DCC: variants seen among roughly 807,000 people sequenced by gnomAD.
DCC encodes the protein DCC netrin 1 receptor.
A neutral mutation model predicts 172.5 loss-of-function variants in DCC; 58 were observed. The observed-to-expected ratio is 0.34, with a 90% CI of 0.27 to 0.42. DCC has a LOEUF of 0.42. DCC is among the 10% of genes least tolerant of loss of function. DCC has a pLI of 1.00. For synonymous variants in DCC, 709 were observed against 644.5 expected (o/e 1.10, Z -1.52); for missense variants, 1,740 against 1,791.0 (o/e 0.97, Z 0.51).
chr18:52,811,475 A>G (rs889366858), intron 2 of DCC, among the ~76,000 whole-genome samples: 1 of 152,240 alleles, frequency 6.6e-6, no homozygotes, highest in South Asian at 2.1e-4. Flanking sequence ...TAACTTATAT[A>G]AATTAATGTT....
chr18:53,199,934 G>C (rs1184891609), intron 9 of DCC, among the ~76,000 whole-genome samples: 4 of 152,136 alleles, frequency 2.6e-5, no homozygotes, highest in Non-Finnish European at 5.9e-5. Flanking sequence ...CAACGAAAGA[G>C]TTGAAGTAGA....
At chr18:52,379,921 A>G (rs1216116572) in intron 1 of DCC, among the ~76,000 whole-genome samples, 2 of 152,150 alleles carry the variant, frequency 1.3e-5, no homozygotes, top group Non-Finnish European at 2.9e-5. Flanking sequence ...TGGGTAATTT[A>G]TAAGAATAGA....
At chr18:52,465,237 G>A (rs1988751781) in intron 1 of DCC, among the ~76,000 whole-genome samples, 1 of 152,156 alleles carries the variant, frequency 6.6e-6, no homozygotes, top group African/African-American at 2.4e-5. Context: ...TAAATATTTA[G>A]AATTAACCTG....
intron 25 of DCC, among the ~76,000 whole-genome samples, chr18:53,483,431 T>G (rs1322904692): frequency 6.6e-6 from 1 of 151,924 alleles, no homozygotes; most frequent in East Asian, 1.9e-4. Flanking sequence ...ATTTTTCTGA[T>G]GTAACATGCT....
chr18:53,210,827 G>A (rs941270070), intron 11 of DCC, among the ~76,000 whole-genome samples: 14 of 151,780 alleles, frequency 9.2e-5, no homozygotes, highest in Non-Finnish European at 1.9e-4. Context: ...CTACTGGGAT[G>A]CTTGTAAAGA....
intron 24 of DCC, among the ~76,000 whole-genome samples, chr18:53,459,845 A>G (rs2045529479): frequency 6.6e-6 from 1 of 152,154 alleles, no homozygotes; most frequent in Non-Finnish European, 1.5e-5. Context: ...ATTTCGATAG[A>G]TAATTGAAAG....
intron 7 of DCC, among the ~76,000 whole-genome samples, chr18:53,092,977 T>TA (rs35751804): frequency 0.67 from 101,027 of 151,720 alleles, 34,823 homozygotes; most frequent in African/African-American, 0.82. Flanking sequence ...CATTACTATT[T>TA]AAAAAAAAGT....
intron 2 of DCC, among the ~76,000 whole-genome samples, chr18:52,783,717 A>G (rs1445540177): frequency 6.6e-6 from 1 of 151,938 alleles, no homozygotes; most frequent in East Asian, 1.9e-4. Context: ...TATATATAGT[A>G]TATATGTGTG....
chr18:53,422,483 T>C (rs569527598), intron 21 of DCC, among the ~76,000 whole-genome samples: 13 of 152,306 alleles, frequency 8.5e-5, no homozygotes, highest in Non-Finnish European at 1.9e-4. Flanking sequence ...GTGTAATTTC[T>C]GGAAATGCAG....
intron 2 of DCC, among the ~76,000 whole-genome samples, chr18:52,774,350 G>A (rs974877617): frequency 1.3e-5 from 2 of 152,110 alleles, no homozygotes; most frequent in East Asian, 3.9e-4. Flanking sequence ...TGTTGAAGAC[G>A]CTTCAGTACC....
At chr18:52,910,874 G>C (rs1405395259) in intron 3 of DCC, among the ~76,000 whole-genome samples, 2 of 151,840 alleles carry the variant, frequency 1.3e-5, no homozygotes, top group Non-Finnish European at 2.9e-5. Context: ...AAATAAATTG[G>C]ACTAAAATAT....
intron 12 of DCC, among the ~76,000 whole-genome samples, chr18:53,268,794 C>T (rs2144700925): frequency 6.6e-6 from 1 of 152,288 alleles, no homozygotes; most frequent in East Asian, 1.9e-4. Flanking sequence ...GGGCCAAAGA[C>T]ACTGCCACTG....
chr18:53,333,615 A>T (rs1329277606), intron 14 of DCC, among the ~76,000 whole-genome samples: 2 of 152,180 alleles, frequency 1.3e-5, no homozygotes, highest in Non-Finnish European at 2.9e-5. Context: ...GCAAAATGAC[A>T]GGTGAAGAAG....
intron 2 of DCC, among the ~76,000 whole-genome samples, chr18:52,810,824 T>G (rs553433913): frequency 5.9e-4 from 90 of 152,280 alleles, no homozygotes; most frequent in African/African-American, 2.1e-3. Flanking sequence ...AACTTGTAAC[T>G]TGGCTTTCAG....
At chr18:52,862,840 G>T (rs116924338) in intron 2 of DCC, among the ~76,000 whole-genome samples, 6,118 of 152,144 alleles carry the variant, frequency 0.04, 171 homozygotes, top group Non-Finnish European at 0.062. Context: ...TTTCCCTTGA[G>T]TTCTTCCCTC....
chr18:53,109,668 G>A (rs186440572), intron 7 of DCC, among the ~76,000 whole-genome samples: 23 of 145,814 alleles, frequency 1.6e-4, no homozygotes, highest in South Asian at 1.1e-3. Context: ...GGCAATTTTC[G>A]TCTGCTGGGA....
intron 2 of DCC, among the ~76,000 whole-genome samples, chr18:52,800,843 T>C (rs540066435): frequency 2.0e-4 from 30 of 152,300 alleles, no homozygotes; most frequent in Middle Eastern, 3.4e-3. Flanking sequence ...GCTTAAAACA[T>C]CTATTTATTT....
At chr18:53,064,507 A>T (rs2042540101) in intron 6 of DCC, among the ~76,000 whole-genome samples, 1 of 152,090 alleles carries the variant, frequency 6.6e-6, no homozygotes, top group Non-Finnish European at 1.5e-5. Flanking sequence ...GTCCAGACAC[A>T]AGCTCTCTCC....
At position 53,531,528 on chromosome 18, in the gene DCC, T is replaced by C. The variant is rs1489315145; in HGVS notation, c.*875T>C. 1.3e-5 allele frequency: 2 copies of C among 152,674 alleles called. No individual in the cohort carries two copies. Among genetic ancestry groups the C allele is most frequent in the Non-Finnish European group, 2.9e-5 (2 of 68,102 alleles). The allele number at this position is 152,674 out of a possible 1,614,324, so 9.5% of individuals were successfully genotyped here. A position where few individuals can be genotyped will look rare whatever the true frequency, so the allele number is the denominator to read the frequency against. On this transcript the variant is annotated 3_prime_UTR_variant, in exon 29 of 29. Coordinates refer to ENST00000442544, the MANE Select transcript of DCC (RefSeq NM_005215.4). ...CAAAGCTTCACTAAGGCCATCTTCC[T>C]TAGGAGTTTGGCCAGAAGAATGCCC... is the stretch of plus-strand genomic sequence containing the variant.
Sources: gnomAD v4.1 joint callset for allele counts (sites outside exome capture counted in the v4.1 genomes callset) on GRCh38, gnomAD v4.1.1 for gene constraint, MANE v1.5 for transcripts, NCBI Gene and HGNC (gene_info 2026-07-23, HGNC 2026-07-21) for gene names.